AFF4: variants seen among roughly 807,000 people sequenced by gnomAD.
The protein encoded by AFF4 is AF4/FMR2 family member 4.
In AFF4, 13 loss-of-function variants were observed where a neutral mutation model predicts 124.8. The observed-to-expected ratio is 0.10, with a 90% CI of 0.07 to 0.17. The LOEUF (loss-of-function observed/expected upper bound fraction) is 0.17, where lower values mean the gene tolerates loss of function less well. Ranked by LOEUF, AFF4 falls within the 10% of genes least tolerant of loss-of-function variation. AFF4 has a pLI of 1.00. For missense variants in AFF4, 1,092 were observed against 1,403.8 expected, an observed-to-expected ratio of 0.78 and a Z score of 3.55; for synonymous variants, 477 against 496.1, an observed-to-expected ratio of 0.96 and a Z score of 0.51.
At chr5:132,938,990 A>G (rs1180833566) in intron 1 of AFF4, among the ~76,000 whole-genome samples, 1 of 150,420 alleles carries the variant, frequency 6.6e-6, no homozygotes, top group African/African-American at 2.4e-5. Context: ...GAAAAAAAAA[A>G]AAAAAAGGGA....
At chr5:132,956,271 C>T (rs1761956342) in intron 1 of AFF4, among the ~76,000 whole-genome samples, 1 of 152,056 alleles carries the variant, frequency 6.6e-6, no homozygotes, top group East Asian at 1.9e-4. Flanking sequence ...ACAGACAATA[C>T]ATAAACAAAA....
chr5:132,951,573 G>A (rs1301905055), intron 1 of AFF4, among the ~76,000 whole-genome samples: 1 of 152,166 alleles, frequency 6.6e-6, no homozygotes, highest in African/African-American at 2.4e-5. Context: ...GGTTCCCCAG[G>A]CTGGAGTGCA....
chr5:132,884,341 A>G (rs1382679053), intron 19 of AFF4, among the ~76,000 whole-genome samples: 1 of 151,982 alleles, frequency 6.6e-6, no homozygotes, highest in African/African-American at 2.4e-5. Context: ...CCTGGTTCCA[A>G]TGATTCTCCT....
At chr5:132,925,004 GTC>G (rs1375686259) in intron 5 of AFF4, among the ~76,000 whole-genome samples, 1 of 151,768 alleles carries the variant, frequency 6.6e-6, no homozygotes, top group Non-Finnish European at 1.5e-5. Flanking sequence ...GTGAAACCCT[GTC>G]TCTACTAAAA....
intron 1 of AFF4, among the ~76,000 whole-genome samples, chr5:132,961,415 T>C (rs139927874): frequency 6.6e-6 from 1 of 152,038 alleles, no homozygotes; most frequent in Admixed American, 6.6e-5. Context: ...CGGGGTTTCA[T>C]TATGTTGGCC....
intron 1 of AFF4, among the ~76,000 whole-genome samples, chr5:132,945,658 A>G (rs912509505): frequency 6.6e-6 from 1 of 152,210 alleles, no homozygotes. Context: ...AGGCTGAGAC[A>G]GGAGAATTGC....
chr5:132,934,132 A>T lies in AFF4; in HGVS notation c.918+15T>A. 6 of 1,604,426 alleles carry T rather than the reference A, an allele frequency of 3.7e-6. No individual in the cohort carries two copies. The highest frequency in any genetic ancestry group is 5.1e-6 in the Non-Finnish European group (6 of 1,174,236). On this transcript the variant is annotated intron_variant, in intron 3 of 20. Coordinates refer to ENST00000265343, the MANE Select transcript of AFF4 (RefSeq NM_014423.4). ...ACGTAGTCACAATGTTAAAAGCTCT[A>T]AATGTGTGACTTACATCCAGTGGTT... is the stretch of plus-strand genomic sequence containing the variant.
rs1451052563 is a variant in AFF4 at position 132,934,252 on chromosome 5, G to A, written c.813C>T (p.Ser271=). 1 of 1,614,180 alleles carries A rather than the reference G, an allele frequency of 6.2e-7. No individual in the cohort carries two copies. The highest frequency in any genetic ancestry group is 8.5e-7 in the Non-Finnish European group (1 of 1,180,036). ...DGQESMEPKL[S]SEHYSSQSHG... is the part of the protein sequence containing the mutation. ...GGGATTGGCTGCTGTAGTGCTCAGA[G>A]GACAGCTTTGGTTCCATGGACTCCT... The change falls in exon 3 of 21, where the codon TCC becomes TCT. Residue 271 remains serine, a synonymous_variant. Transcript: ENST00000265343.
intron 2 of AFF4, 30 bp downstream of exon 2, chr5:132,937,037 G>C (rs200205838): frequency 6.3e-7 from 1 of 1,577,794 alleles, no homozygotes; most frequent in East Asian, 2.3e-5. Context: ...ATGCTAATGG[G>C]AAAAAAACAT....
rs1221788149 is a variant in AFF4 at position 132,881,717 on chromosome 5, C to A, written c.3365-531G>T. Among the ~76,000 whole-genome samples, 3 of 152,088 alleles carry A rather than the reference C, an allele frequency of 2.0e-5. No individual in the cohort carries two copies. In the East Asian group the frequency reaches 5.8e-4, roughly 29 times the overall value. ...TTATTTTCATTTATTTTTAGACAGT[C>A]TCCCTGTCGCCCAGGCTGGAGTGCA... On this transcript the variant is annotated intron_variant, in intron 20 of 20. Coordinates refer to ENST00000265343, the MANE Select transcript of AFF4 (RefSeq NM_014423.4).
chr5:132,934,464 C>G lies in AFF4; in HGVS notation c.601G>C (p.Asp201His). Residue 201 changes from aspartate to histidine, a missense_variant, in exon 3 of 21, where the codon GAT becomes CAT. Asp to His is a moderately conservative substitution (Grantham distance 81). This residue lies in a region of AFF4 where 188 missense variants were observed against 203.0 expected (regional missense o/e 0.93). Transcript: ENST00000265343. ...CGTTGATGTTCCTTGCTATGGTGAT[C>G]ATTCCCATGAGACCTGGAATGACTA... ...NSSHSRSHGN[D>H]HHSKEHQRSK... 1 of 1,614,144 alleles carries G rather than the reference C, an allele frequency of 6.2e-7. No homozygotes were observed.
chr5:132,927,666 T>C (rs191300296), intron 4 of AFF4: 2 of 154,654 alleles, frequency 1.3e-5, no homozygotes, highest in Admixed American at 1.3e-4. Context: ...ATTATTATCC[T>C]ACCTCTATTT....
At chr5:132,960,321 T>TA (rs932201332) in intron 1 of AFF4, among the ~76,000 whole-genome samples, 14 of 151,836 alleles carry the variant, frequency 9.2e-5, no homozygotes, top group East Asian at 3.9e-4. Context: ...AAAGCTAAAG[T>TA]AAAAAAAAAT....
chr5:132,922,820 T>C (rs946962936), intron 5 of AFF4, among the ~76,000 whole-genome samples: 7 of 147,146 alleles, frequency 4.8e-5, no homozygotes, highest in African/African-American at 1.5e-4. Context: ...GCAACCCAAA[T>C]GTCCATTAGT....
chr5:132,882,213 CAAAAA>C (rs35340388), intron 20 of AFF4, among the ~76,000 whole-genome samples: 1 of 120,290 alleles, frequency 8.3e-6, no homozygotes, highest in Non-Finnish European at 1.7e-5. Flanking sequence ...AACCCTGTCT[CAAAAA>C]AAAAAAAAAA....
chr5:132,947,767 G>A (rs956639384), intron 1 of AFF4, among the ~76,000 whole-genome samples: 4 of 152,068 alleles, frequency 2.6e-5, no homozygotes, highest in Non-Finnish European at 4.4e-5. Flanking sequence ...GTCTGAAGAG[G>A]TCACTTCCTA....
rs1002008952 is a variant in AFF4 at position 132,963,596 on chromosome 5, G to A, written c.-342C>T. 3 of 397,512 alleles carry A rather than the reference G, an allele frequency of 7.5e-6. No homozygotes were observed. Among genetic ancestry groups the A allele is most frequent in the African/African-American group, 4.1e-5 (2 of 48,590 alleles). 24.6% of individuals were successfully genotyped at this position (397,512 alleles called of 1,614,324 possible). Reference sequence around the variant, plus strand: ...CCCCGCCCCGTCCGCTGGCGGCGGCGACGGCAGCTGGACTCCTGCAGCCAG... The same window carrying A: ...CCCCGCCCCGTCCGCTGGCGGCGGCAACGGCAGCTGGACTCCTGCAGCCAG... On this transcript the variant is annotated 5_prime_UTR_variant, in exon 1 of 21. Transcript: ENST00000265343.
intron 5 of AFF4, among the ~76,000 whole-genome samples, chr5:132,911,562 A>G (rs1409240117): frequency 6.6e-6 from 1 of 151,978 alleles, no homozygotes; most frequent in African/African-American, 2.4e-5. Flanking sequence ...CCACAAAAAA[A>G]AAGAAAAAAA....
chr5:132,923,925 G>T (rs1761110253), intron 5 of AFF4, among the ~76,000 whole-genome samples: 2 of 152,166 alleles, frequency 1.3e-5, no homozygotes, highest in South Asian at 4.1e-4. Context: ...GCAAATTTTG[G>T]TGTTTCCATA....
Sources: allele counts gnomAD v4.1 joint callset (sites outside exome capture counted in the v4.1 genomes callset), GRCh38; gene constraint gnomAD v4.1.1; regional missense constraint gnomAD v4.1.1; transcripts MANE v1.5; gene names NCBI Gene and HGNC (gene_info 2026-07-23, HGNC 2026-07-21).